Variants in NOVA2 observed in about 807,000 individuals in gnomAD.
The protein encoded by NOVA2 is NOVA alternative splicing regulator 2.
NOVA2 carries 9 observed loss-of-function variants against 22.5 expected under a neutral mutation model. The observed-to-expected ratio is 0.40, with a 90% CI of 0.24 to 0.70. NOVA2 has a LOEUF of 0.70. NOVA2 is among the 30% of genes least tolerant of loss of function. The probability of loss-of-function intolerance (pLI) is 0.38; values close to 1 mark genes in which losing one functional copy is unlikely to be tolerated. For missense variants in NOVA2, 383 were observed against 682.8 expected (o/e 0.56, Z 4.89); for synonymous variants, 318 against 335.2 (o/e 0.95, Z 0.56).
At chr19:45,943,442 G>T (rs1012932889) in intron 3 of NOVA2, among the ~76,000 whole-genome samples, 1 of 151,166 alleles carries the variant, frequency 6.6e-6, no homozygotes, top group African/African-American at 2.4e-5. Context: ...GTCTGGGCAC[G>T]GTGGCTCACG....
In NOVA2 at chr19:45,937,425, G is replaced by C. The variant is rs1967671228; in HGVS notation, c.*2438C>G. 6.6e-6 allele frequency: 1 copy of C among 152,462 alleles called. No homozygotes were observed. The highest frequency in any genetic ancestry group is 2.4e-5 in the African/African-American group (1 of 41,414). The allele number at this position is 152,462 out of a possible 1,614,324, so 9.4% of individuals were successfully genotyped here. On this transcript the variant is annotated 3_prime_UTR_variant, in exon 4 of 4. Transcript: ENST00000263257. Reference sequence around the variant, plus strand: ...TTCCCTTCCTCATAGGGTCCTGGGGGGCTGTAGGGGGATATTCCAGCTAGA... The same window carrying C: ...TTCCCTTCCTCATAGGGTCCTGGGGCGCTGTAGGGGGATATTCCAGCTAGA...
At chr19:45,956,000 C>T (rs566493143) in intron 2 of NOVA2, among the ~76,000 whole-genome samples, 12 of 152,310 alleles carry the variant, frequency 7.9e-5, no homozygotes, top group South Asian at 2.1e-4. Context: ...GCTGGTGACA[C>T]GACCCTGACT....
intron 3 of NOVA2, among the ~76,000 whole-genome samples, chr19:45,948,457 A>AGGTGTGGT (rs1967873399): frequency 6.6e-6 from 1 of 151,798 alleles, no homozygotes; most frequent in Non-Finnish European, 1.5e-5. Flanking sequence ...AAAATTAGCC[A>AGGTGTGGT]GGTGTGGTGG....
chr19:45,953,013 G>A (rs1176142894), intron 3 of NOVA2, among the ~76,000 whole-genome samples: 1 of 152,266 alleles, frequency 6.6e-6, no homozygotes, highest in African/African-American at 2.4e-5. Flanking sequence ...CCATTGCACG[G>A]AGTACGCATG....
chr19:45,951,060 A>G (rs1967917794), intron 3 of NOVA2, among the ~76,000 whole-genome samples: 1 of 152,240 alleles, frequency 6.6e-6, no homozygotes, highest in Non-Finnish European at 1.5e-5. Flanking sequence ...TAAGCTACCC[A>G]GATGACTCAG....
intron 1 of NOVA2, among the ~76,000 whole-genome samples, chr19:45,968,592 A>AATG (rs991872004): frequency 4.6e-5 from 7 of 152,118 alleles, no homozygotes; most frequent in East Asian, 1.9e-4. Flanking sequence ...ATATAATAAT[A>AATG]ATGATGATGA....
intron 1 of NOVA2, among the ~76,000 whole-genome samples, chr19:45,961,966 G>A (rs1968102359): frequency 6.6e-6 from 1 of 152,180 alleles, no homozygotes. Context: ...AATGGGAGGA[G>A]ATGAGGACAG....
In NOVA2 at chr19:45,939,668, T is replaced by G; in HGVS notation, c.*195A>C. 1 of 670,056 alleles carries G rather than the reference T, an allele frequency of 1.5e-6. No homozygotes were observed. Among genetic ancestry groups the G allele is most frequent in the Non-Finnish European group, 2.5e-6 (1 of 406,628 alleles). 41.5% of individuals were successfully genotyped at this position (670,056 alleles called of 1,614,324 possible). ...TCAGTTCCGGGCTGGGGAGGGGGCT[T>G]CTGAGCCCCCTTCCCAACCGTCACT... On this transcript the variant is annotated 3_prime_UTR_variant, in exon 4 of 4. Coordinates refer to ENST00000263257, the MANE Select transcript of NOVA2 (RefSeq NM_002516.4).
At chr19:45,951,923 A>G (rs1967932317) in intron 3 of NOVA2, among the ~76,000 whole-genome samples, 1 of 152,216 alleles carries the variant, frequency 6.6e-6, no homozygotes, top group Admixed American at 6.5e-5. Flanking sequence ...CCAAAGTGCA[A>G]TAATTCGGTG....
At chr19:45,950,122 T>C (rs1050140311) in intron 3 of NOVA2, among the ~76,000 whole-genome samples, 1 of 151,732 alleles carries the variant, frequency 6.6e-6, no homozygotes, top group African/African-American at 2.4e-5. Context: ...ATCTCCAGTA[T>C]TAGCATAACC....
chr19:45,943,906 C>T (rs567060957), intron 3 of NOVA2, among the ~76,000 whole-genome samples: 2 of 152,208 alleles, frequency 1.3e-5, no homozygotes, highest in South Asian at 2.1e-4. Flanking sequence ...TTTCCAGGAA[C>T]GCAACTACCA....
chr19:45,960,907 A>T, intron 2 of NOVA2, 103 bp downstream of exon 2: 3 of 1,232,454 alleles, frequency 2.4e-6, no homozygotes, highest in East Asian at 2.6e-5. Flanking sequence ...CACCACTGTC[A>T]CTGTCCTTAG....
chr19:45,952,761 CG>C (rs1420528737), intron 3 of NOVA2, among the ~76,000 whole-genome samples: 3 of 152,228 alleles, frequency 2.0e-5, no homozygotes, highest in Non-Finnish European at 4.4e-5. Flanking sequence ...CCGCGCTACA[CG>C]CCCCAAGCCC....
intron 2 of NOVA2, among the ~76,000 whole-genome samples, chr19:45,958,643 CTGTG>C (rs570884768): frequency 1.6e-4 from 24 of 151,212 alleles, no homozygotes; most frequent in Admixed American, 1.3e-3. Context: ...GCGTGTGAGA[CTGTG>C]TGTGAGTGTG....
rs1268837627 is a variant in NOVA2 at position 45,939,060 on chromosome 19, C to T, written c.*803G>A. ...ACTCAGTGACATCACAACAGAGACC[C>T]TCATTGCCATTACTCTAAGCCATCA... On this transcript the variant is annotated 3_prime_UTR_variant, in exon 4 of 4. Transcript: ENST00000263257. 1 of 152,226 alleles carries T rather than the reference C, an allele frequency of 6.6e-6. No homozygotes were observed. Among genetic ancestry groups the T allele is most frequent in the Admixed American group, 6.5e-5 (1 of 15,282 alleles). 9.4% of individuals were successfully genotyped at this position (152,226 alleles called of 1,614,324 possible).
chr19:45,964,382 GT>G (rs1968141292), intron 1 of NOVA2, among the ~76,000 whole-genome samples: 1 of 149,160 alleles, frequency 6.7e-6, no homozygotes, highest in Non-Finnish European at 1.5e-5. Flanking sequence ...GTGTGTGTGT[GT>G]GTGTGTGTGT....
chr19:45,935,072 C>T lies in NOVA2; in HGVS notation c.*4791G>A, dbSNP rs1313357675. ...CAATGAGGCCGCAGGTCCCGGTGGC[C>T]GGTGGTGATGGAGTCACTTAGAAGA... is the stretch of plus-strand genomic sequence containing the variant. On this transcript the variant is annotated 3_prime_UTR_variant, in exon 4 of 4. Coordinates refer to ENST00000263257, the MANE Select transcript of NOVA2 (RefSeq NM_002516.4). 8.2e-6 allele frequency: 1 copy of T among 122,682 alleles called. No homozygotes were observed. Among genetic ancestry groups the T allele is most frequent in the Non-Finnish European group, 1.6e-5 (1 of 61,740 alleles). 7.6% of individuals were successfully genotyped at this position (122,682 alleles called of 1,614,324 possible).
At chr19:45,960,305 G>A (rs1968075832) in intron 2 of NOVA2, among the ~76,000 whole-genome samples, 1 of 151,588 alleles carries the variant, frequency 6.6e-6, no homozygotes, top group Admixed American at 6.6e-5. Flanking sequence ...GAGAGAGAGA[G>A]GAGGAAAGGA....
intron 1 of NOVA2, among the ~76,000 whole-genome samples, chr19:45,964,476 C>T (rs1968142910): frequency 6.7e-6 from 1 of 150,114 alleles, no homozygotes; most frequent in Non-Finnish European, 1.5e-5. Flanking sequence ...GCCACAGAGC[C>T]CAGCCAGGAA....
Sources: gnomAD v4.1 joint callset for allele counts (sites outside exome capture counted in the v4.1 genomes callset) on GRCh38, gnomAD v4.1.1 for gene constraint, MANE v1.5 for transcripts, NCBI Gene and HGNC (gene_info 2026-07-23, HGNC 2026-07-21) for gene names.